The following NRXN3 variants were observed in gnomAD, a reference collection of about 807,000 sequenced individuals.
NRXN3 encodes the protein neurexin III.
A neutral mutation model predicts 137.6 loss-of-function variants in NRXN3; 32 were observed. That is an observed-to-expected ratio of 0.23 (90% CI 0.18 to 0.31). NRXN3 has a LOEUF of 0.31. Ranked by LOEUF, NRXN3 falls within the 10% of genes least tolerant of loss-of-function variation. The pLI, the probability that NRXN3 is intolerant of heterozygous loss-of-function variation, is 1.00. For missense variants in NRXN3, 1,574 were observed against 2,062.5 expected (o/e 0.76, Z 4.59); for synonymous variants, 798 against 784.5 (o/e 1.02, Z -0.29).
At chr14:79,787,806 A>C (rs1350343129) in intron 19 of NRXN3, among the ~76,000 whole-genome samples, 1 of 152,080 alleles carries the variant, frequency 6.6e-6, no homozygotes, top group South Asian at 2.1e-4. Flanking sequence ...TTATTCATCC[A>C]TTAATGGAAA....
intron 4 of NRXN3, among the ~76,000 whole-genome samples, chr14:78,305,826 G>A (rs1309603117): frequency 6.6e-6 from 1 of 152,134 alleles, no homozygotes; most frequent in Non-Finnish European, 1.5e-5. Context: ...TCTTGACAGT[G>A]AATATAAAAT....
chr14:79,822,521 T>G (rs1308793764), intron 20 of NRXN3, among the ~76,000 whole-genome samples: 3 of 152,200 alleles, frequency 2.0e-5, no homozygotes, highest in Admixed American at 6.5e-5. Context: ...TTTGAAGTTT[T>G]TTTCTCAGGC....
intron 19 of NRXN3, among the ~76,000 whole-genome samples, chr14:79,731,385 G>A (rs961349522): frequency 4.6e-5 from 7 of 152,220 alleles, no homozygotes; most frequent in Non-Finnish European, 1.0e-4. Flanking sequence ...GATTTCACAG[G>A]AGCATCATGC....
At chr14:78,334,757 A>T (rs2081259182) in intron 4 of NRXN3, among the ~76,000 whole-genome samples, 1 of 152,084 alleles carries the variant, frequency 6.6e-6, no homozygotes, top group Non-Finnish European at 1.5e-5. Context: ...CTCAGTGGGG[A>T]TGGGTAGTAA....
chr14:79,008,061 C>T (rs1021627090), intron 15 of NRXN3, among the ~76,000 whole-genome samples: 4 of 152,070 alleles, frequency 2.6e-5, no homozygotes, highest in Non-Finnish European at 5.9e-5. Flanking sequence ...TAAACCCTAC[C>T]GCTGTGTTGT....
intron 18 of NRXN3, among the ~76,000 whole-genome samples, 184 bp downstream of exon 18, chr14:79,692,446 CATTAAAATACA>C (rs1371496228): frequency 2.0e-5 from 3 of 152,050 alleles, no homozygotes; most frequent in Non-Finnish European, 4.4e-5. Flanking sequence ...AATACATTGC[CATTAAAATACA>C]GTTAAAGGGA....
At chr14:79,340,901 C>A (rs1446670293) in intron 15 of NRXN3, among the ~76,000 whole-genome samples, 1 of 152,176 alleles carries the variant, frequency 6.6e-6, no homozygotes, top group Non-Finnish European at 1.5e-5. Flanking sequence ...AAATAAGCCT[C>A]TTTCTTTTAG....
intron 15 of NRXN3, among the ~76,000 whole-genome samples, chr14:79,242,003 G>T (rs1040855541): frequency 6.6e-6 from 1 of 151,896 alleles, no homozygotes; most frequent in Non-Finnish European, 1.5e-5. Flanking sequence ...GGAGGCAGAG[G>T]TTGCAGTGAG....
intron 10 of NRXN3, among the ~76,000 whole-genome samples, chr14:78,891,087 G>A (rs914240552): frequency 7.9e-5 from 12 of 151,862 alleles, no homozygotes; most frequent in Admixed American, 7.9e-4. Context: ...ACTTCAGATG[G>A]TAACTGGGTG....
At chr14:79,759,686 T>C (rs1299500980) in intron 19 of NRXN3, among the ~76,000 whole-genome samples, 3 of 151,658 alleles carry the variant, frequency 2.0e-5, no homozygotes, top group Non-Finnish European at 4.4e-5. Flanking sequence ...CTGCTATTCC[T>C]GACATAAAGT....
At chr14:79,467,122 C>A in intron 15 of NRXN3, 99 bp from the exon 16 acceptor site, 1 of 1,183,890 alleles carries the variant, frequency 8.4e-7, no homozygotes, top group Non-Finnish European at 1.2e-6. Flanking sequence ...GGGGACATTT[C>A]CTCTCTGCAG....
chr14:79,002,966 T>A (rs2152343167), intron 15 of NRXN3, among the ~76,000 whole-genome samples: 1 of 152,126 alleles, frequency 6.6e-6, no homozygotes, highest in East Asian at 1.9e-4. Flanking sequence ...ATCCTGAATT[T>A]TATTTATTTG....
At chr14:78,618,239 T>C (rs971574105) in intron 4 of NRXN3, among the ~76,000 whole-genome samples, 1 of 151,490 alleles carries the variant, frequency 6.6e-6, no homozygotes, top group African/African-American at 2.4e-5. Context: ...AGGCCACCAC[T>C]TACAGAGTTG....
chr14:78,386,463 A>C lies in NRXN3; in HGVS notation c.757+88603A>C, dbSNP rs564790175. On this transcript the variant is annotated intron_variant, in intron 4 of 20. Transcript: ENST00000335750. Reference sequence around the variant, plus strand: ...ACAGGAAGGTGGAAGAGTGTCGCTTATAGCATCTTACCAAGGGACCCAGAA... The same window carrying C: ...ACAGGAAGGTGGAAGAGTGTCGCTTCTAGCATCTTACCAAGGGACCCAGAA... Among the ~76,000 whole-genome samples the C allele has an allele frequency of 1.1e-4, 16 of 152,276 alleles. No individual in the cohort carries two copies. In the East Asian group the frequency reaches 2.9e-3, roughly 28 times the overall value.
At chr14:78,173,428 G>GAGAT (rs1483658700) in intron 1 of NRXN3, among the ~76,000 whole-genome samples, 1 of 151,824 alleles carries the variant, frequency 6.6e-6, no homozygotes, top group African/African-American at 2.4e-5. Context: ...AGGCAGCGGA[G>GAGAT]AGATGGGGGA....
chr14:78,669,081 A>C (rs2097912531), intron 6 of NRXN3, among the ~76,000 whole-genome samples: 1 of 152,126 alleles, frequency 6.6e-6, no homozygotes, highest in Non-Finnish European at 1.5e-5. Context: ...GAGATATTAG[A>C]GATGGTCTCC....
At chr14:78,831,471 G>A (rs1052083964) in intron 10 of NRXN3, among the ~76,000 whole-genome samples, 5 of 133,266 alleles carry the variant, frequency 3.8e-5, no homozygotes, top group Middle Eastern at 5.4e-3. Context: ...GGAGGCGGAC[G>A]TTGCAGTGAG....
intron 15 of NRXN3, among the ~76,000 whole-genome samples, chr14:79,400,112 T>C (rs1738482036): frequency 6.6e-6 from 1 of 152,220 alleles, no homozygotes. Flanking sequence ...TTTAAACTAA[T>C]TGTATCTACA....
At chr14:78,504,330 A>G (rs2095939509) in intron 4 of NRXN3, among the ~76,000 whole-genome samples, 1 of 152,188 alleles carries the variant, frequency 6.6e-6, no homozygotes, top group Non-Finnish European at 1.5e-5. Flanking sequence ...CAATTTGCTG[A>G]TTATTGACTG....
Sources: gnomAD v4.1 joint callset for allele counts (sites outside exome capture counted in the v4.1 genomes callset) on GRCh38, gnomAD v4.1.1 for gene constraint, MANE v1.5 for transcripts, NCBI Gene and HGNC (gene_info 2026-07-23, HGNC 2026-07-21) for gene names.